NREP: variants seen among roughly 807,000 people sequenced by gnomAD.
NREP encodes neuronal regeneration-related protein.
NREP carries 5 observed loss-of-function variants against 8.6 expected under a neutral mutation model. The observed-to-expected ratio is 0.58, with a 90% CI of 0.30 to 1.22. NREP has a LOEUF of 1.22. Ranked by LOEUF, NREP falls within the 50% of genes most tolerant of loss-of-function variation. The pLI, the probability that NREP is intolerant of heterozygous loss-of-function variation, is 0.07. For missense variants in NREP, 86 were observed against 82.5 expected (o/e 1.04, Z -0.17); for synonymous variants, 27 against 28.0 (o/e 0.96, Z 0.11).
intron 2 of NREP, among the ~76,000 whole-genome samples, chr5:111,824,778 A>G (rs1396291623): frequency 1.3e-5 from 2 of 152,194 alleles, no homozygotes; most frequent in Non-Finnish European, 2.9e-5. Context: ...ATTATTTATA[A>G]TCTTTTCCAG....
chr5:111,940,704 C>T (rs918324330), intron 2 of NREP, among the ~76,000 whole-genome samples: 1 of 151,938 alleles, frequency 6.6e-6, no homozygotes, highest in Non-Finnish European at 1.5e-5. Context: ...CCAGGTCCAC[C>T]CTCACTTCTG....
chr5:111,902,368 G>C (rs1056376059), intron 2 of NREP, among the ~76,000 whole-genome samples: 1 of 152,116 alleles, frequency 6.6e-6, no homozygotes, highest in Non-Finnish European at 1.5e-5. Flanking sequence ...TGCTGTAATA[G>C]TTGAGCCCAG....
intron 2 of NREP, among the ~76,000 whole-genome samples, chr5:111,865,719 T>C (rs1171019604): frequency 1.3e-5 from 2 of 152,142 alleles, no homozygotes; most frequent in Non-Finnish European, 2.9e-5. Flanking sequence ...CCAGTTGATA[T>C]GGGTAAAGCT....
rs564246767 is a variant in NREP, at chr5:111,778,474, C to T, written c.136-42967G>A. Reference sequence around the variant, plus strand: ...TACTTCTTGTCCTCTAAACCATGTCCTTTTTGTCTATTTCATGGCCAATTG... The same window carrying T: ...TACTTCTTGTCCTCTAAACCATGTCTTTTTTGTCTATTTCATGGCCAATTG... On this transcript the variant is annotated intron_variant, in intron 2 of 3. Transcript: ENST00000395634. Among the ~76,000 whole-genome samples the T allele has an allele frequency of 4.5e-4, 69 of 152,212 alleles. No homozygotes were observed. In the South Asian group the frequency reaches 0.013, roughly 28 times the overall value.
intron 2 of NREP, among the ~76,000 whole-genome samples, chr5:111,815,093 A>G (rs1017067106): frequency 1.3e-5 from 2 of 152,142 alleles, no homozygotes; most frequent in Non-Finnish European, 2.9e-5. Flanking sequence ...CAAATCCCCA[A>G]CTGTGTGGGG....
At chr5:111,780,892 AT>A (rs5870473) in intron 2 of NREP, among the ~76,000 whole-genome samples, 46,085 of 151,384 alleles carry the variant, frequency 0.3, 7,070 homozygotes, top group Middle Eastern at 0.45. Context: ...TCCTTCCCAC[AT>A]TTTTTTTAAC....
intron 2 of NREP, among the ~76,000 whole-genome samples, chr5:111,931,601 G>T (rs1371484067): frequency 1.3e-5 from 2 of 152,120 alleles, no homozygotes; most frequent in Non-Finnish European, 2.9e-5. Flanking sequence ...CTGACTTGTA[G>T]GAACTGTGAG....
intron 2 of NREP, among the ~76,000 whole-genome samples, chr5:111,922,817 C>G (rs141319256): frequency 4.2e-3 from 636 of 152,164 alleles, no homozygotes; most frequent in Admixed American, 9.8e-3. Flanking sequence ...GAGAAATGGC[C>G]CATTCTGTTT....
At chr5:111,966,462 A>C (rs1285991623) in intron 2 of NREP, among the ~76,000 whole-genome samples, 2 of 152,188 alleles carry the variant, frequency 1.3e-5, no homozygotes, top group Non-Finnish European at 2.9e-5. Context: ...TTGAGAAGAG[A>C]AACTACTAAC....
intron 2 of NREP, among the ~76,000 whole-genome samples, chr5:111,853,836 C>T (rs991376015): frequency 6.6e-6 from 1 of 152,254 alleles, no homozygotes; most frequent in Non-Finnish European, 1.5e-5. Flanking sequence ...GTGTGTCCCT[C>T]TCTGAGCATC....
intron 2 of NREP, among the ~76,000 whole-genome samples, chr5:111,936,500 T>C (rs1453543486): frequency 1.3e-5 from 2 of 152,086 alleles, no homozygotes; most frequent in Non-Finnish European, 2.9e-5. Context: ...AGTTTCTTAA[T>C]AGTAGTGTAA....
rs886597845 is a variant in NREP at position 111,773,744 on chromosome 5, T to C, written c.136-38237A>G. Among the ~76,000 whole-genome samples, 7 of 152,196 alleles carry C rather than the reference T, an allele frequency of 4.6e-5. No homozygotes were observed. The East Asian group carries it at 1.2e-3, about 25-fold the overall frequency. On this transcript the variant is annotated intron_variant, in intron 2 of 3. Transcript: ENST00000395634. ...TGGGTTATTTCTCTGTTCAAAAATA[T>C]AATGCCTTCTACAGAGTGCCTAATA...
chr5:111,843,412 A>T (rs993488795), intron 2 of NREP, among the ~76,000 whole-genome samples: 21 of 151,476 alleles, frequency 1.4e-4, no homozygotes, highest in African/African-American at 4.9e-4. Context: ...GTTCTTTTTA[A>T]TGGTTTGTAT....
intron 2 of NREP, among the ~76,000 whole-genome samples, chr5:111,915,218 G>C (rs1755024045): frequency 6.6e-6 from 1 of 152,124 alleles, no homozygotes; most frequent in Non-Finnish European, 1.5e-5. Flanking sequence ...AATGATTGAT[G>C]GTGAAAGACA....
At chr5:111,741,826 C>CACACAGACACAG (rs58727765) in intron 2 of NREP, among the ~76,000 whole-genome samples, 10 of 141,138 alleles carry the variant, frequency 7.1e-5, no homozygotes, top group South Asian at 2.2e-4. Context: ...CACACACATA[C>CACACAGACACAG]ACACACACAC....
At chr5:111,843,649 G>A (rs1391804158) in intron 2 of NREP, among the ~76,000 whole-genome samples, 1 of 152,134 alleles carries the variant, frequency 6.6e-6, no homozygotes, top group Non-Finnish European at 1.5e-5. Flanking sequence ...TTGTGTTGAT[G>A]TTTGAGCATT....
At chr5:111,880,301 A>G (rs1326938843) in intron 2 of NREP, among the ~76,000 whole-genome samples, 1 of 152,254 alleles carries the variant, frequency 6.6e-6, no homozygotes, top group African/African-American at 2.4e-5. Context: ...CTAAGTGGGT[A>G]GAATAAGTAT....
intron 2 of NREP, chr5:111,846,420 C>CTTTTTTTTTTTTTTTGTTTT (rs1753170273): frequency 2.3e-5 from 1 of 44,414 alleles, no homozygotes; most frequent in Non-Finnish European, 4.2e-5. Flanking sequence ...TTTTTGTTTG[C>CTTTTTTTTTTTTTTTGTTTT]TTTTTTTTTT....
At chr5:111,824,136 T>C (rs1752569400) in intron 2 of NREP, among the ~76,000 whole-genome samples, 1 of 152,194 alleles carries the variant, frequency 6.6e-6, no homozygotes, top group Non-Finnish European at 1.5e-5. Flanking sequence ...TTCAGGAGGC[T>C]GAGTCGGGCG....
Sources: gnomAD v4.1 joint callset for allele counts (sites outside exome capture counted in the v4.1 genomes callset) on GRCh38, gnomAD v4.1.1 for gene constraint, MANE v1.5 for transcripts, NCBI Gene and HGNC (gene_info 2026-07-23, HGNC 2026-07-21) for gene names.